The following RAD51B variants were observed in gnomAD, a reference collection of about 807,000 sequenced individuals.
The protein encoded by RAD51B is RAD51 paralog B.
In RAD51B, 38 loss-of-function variants were observed where a neutral mutation model predicts 42.2. The observed-to-expected ratio is 0.90, with a 90% CI of 0.70 to 1.18. RAD51B has a LOEUF of 1.18. Ranked by LOEUF, RAD51B falls within the 50% of genes most tolerant of loss-of-function variation. The probability of loss-of-function intolerance (pLI) is 0.00; values close to 1 mark genes in which losing one functional copy is unlikely to be tolerated. For missense variants in RAD51B, 373 were observed against 400.7 expected (o/e 0.93, Z 0.59); for synonymous variants, 154 against 145.2 (o/e 1.06, Z -0.43).
chr14:68,123,422 G>A (rs1388849255), intron 7 of RAD51B, among the ~76,000 whole-genome samples: 1 of 151,936 alleles, frequency 6.6e-6, no homozygotes, highest in East Asian at 1.9e-4. Context: ...GAATTCCTGG[G>A]CTCAAGCAGT....
intron 10 of RAD51B, among the ~76,000 whole-genome samples, chr14:68,495,648 C>T (rs1264847869): frequency 6.6e-6 from 1 of 152,192 alleles, no homozygotes; most frequent in East Asian, 1.9e-4. Flanking sequence ...ACCCCTTCCT[C>T]TCTGCTCATA....
chr14:68,505,838 C>T lies in RAD51B; in HGVS notation c.1036+37588C>T, dbSNP rs368783192. On this transcript the variant is annotated intron_variant, in intron 10 of 10. Coordinates refer to the RAD51B transcript ENST00000487270. ...AAAGTGTTGGGATTACAGGCGTGAGCGACCGCGCCCAGCCAGATTAGCCAA... is the reference window on the plus strand; with the variant it reads ...AAAGTGTTGGGATTACAGGCGTGAGTGACCGCGCCCAGCCAGATTAGCCAA... 4.2e-4 allele frequency among the ~76,000 whole-genome samples: 64 copies of T among 152,284 alleles called. 5 individuals carry two copies. Among genetic ancestry groups the T allele is most frequent in the African/African-American group, 1.2e-3 (49 of 41,552 alleles).
intron 7 of RAD51B, among the ~76,000 whole-genome samples, chr14:68,086,558 T>A (rs1298245998): frequency 1.3e-5 from 2 of 152,092 alleles, no homozygotes; most frequent in Non-Finnish European, 2.9e-5. Context: ...CTGCCCCCTT[T>A]CTGTATGGGA....
At chr14:67,864,655 G>T in intron 4 of RAD51B, 1 of 311,860 alleles carries the variant, frequency 3.2e-6, no homozygotes. Context: ...TCTTCATGAG[G>T]AAAAGGTATA....
chr14:67,942,758 A>G (rs1376091033), intron 7 of RAD51B, among the ~76,000 whole-genome samples: 1 of 152,232 alleles, frequency 6.6e-6, no homozygotes, highest in African/African-American at 2.4e-5. Context: ...GACAAAGAAC[A>G]TTTATACATA....
At chr14:68,582,987 C>T (rs1483936593) in intron 10 of RAD51B, among the ~76,000 whole-genome samples, 2 of 152,042 alleles carry the variant, frequency 1.3e-5, no homozygotes, top group Non-Finnish European at 2.9e-5. Flanking sequence ...ACGTCACACA[C>T]CAGGGCCTGT....
chr14:68,091,319 C>T (rs2077095623), intron 7 of RAD51B, among the ~76,000 whole-genome samples: 1 of 152,220 alleles, frequency 6.6e-6, no homozygotes, highest in Non-Finnish European at 1.5e-5. Context: ...GTCCCACCAA[C>T]AGTGTAAAAG....
intron 7 of RAD51B, among the ~76,000 whole-genome samples, chr14:68,190,659 A>G (rs970297827): frequency 3.9e-5 from 6 of 152,142 alleles, no homozygotes; most frequent in African/African-American, 1.2e-4. Flanking sequence ...TTTATATTCT[A>G]TGTACTCTAT....
chr14:68,399,954 C>T (rs1285134025), intron 8 of RAD51B, among the ~76,000 whole-genome samples: 1 of 152,238 alleles, frequency 6.6e-6, no homozygotes, highest in South Asian at 2.1e-4. Context: ...TGATGTTCTC[C>T]CAGAAAAATT....
intron 9 of RAD51B, among the ~76,000 whole-genome samples, chr14:68,438,913 A>C (rs575090296): frequency 2.0e-5 from 3 of 152,114 alleles, no homozygotes; most frequent in East Asian, 3.8e-4. Flanking sequence ...ACAGGCTTCA[A>C]AGTTTTCTGA....
intron 10 of RAD51B, among the ~76,000 whole-genome samples, chr14:68,648,025 A>ATATATACG (rs1566963405): frequency 5.1e-5 from 5 of 98,226 alleles, no homozygotes; most frequent in African/African-American, 1.9e-4. Flanking sequence ...ATATATACGT[A>ATATATACG]TATATATATA....
At chr14:67,908,432 G>A (rs2043852032) in intron 7 of RAD51B, 1 of 152,050 alleles carries the variant, frequency 6.6e-6, no homozygotes, top group African/African-American at 2.4e-5. Flanking sequence ...CAAAAAACAT[G>A]ATAGCAGAAA....
intron 8 of RAD51B, among the ~76,000 whole-genome samples, chr14:68,345,216 G>T (rs1036536319): frequency 6.6e-6 from 1 of 152,146 alleles, no homozygotes; most frequent in Non-Finnish European, 1.5e-5. Context: ...ATTAAGACTT[G>T]GGAGAACTAT....
chr14:68,061,182 C>T (rs1017089358), intron 7 of RAD51B, among the ~76,000 whole-genome samples: 2 of 151,290 alleles, frequency 1.3e-5, no homozygotes, highest in African/African-American at 2.4e-5. Flanking sequence ...GATTCTCATG[C>T]CCCAGCCTCA....
intron 7 of RAD51B, among the ~76,000 whole-genome samples, chr14:67,963,867 A>T (rs1300051410): frequency 6.6e-6 from 1 of 151,730 alleles, no homozygotes; most frequent in African/African-American, 2.4e-5. Context: ...TCATGTGTTT[A>T]AAAAAAATCG....
chr14:68,086,154 G>C (rs1052779682), intron 7 of RAD51B, among the ~76,000 whole-genome samples: 1 of 152,196 alleles, frequency 6.6e-6, no homozygotes, highest in African/African-American at 2.4e-5. Flanking sequence ...CTCAGCAGAT[G>C]GGGGAAGCCA....
At chr14:67,827,860 G>C (rs11621682) in intron 3 of RAD51B, among the ~76,000 whole-genome samples, 1 of 152,008 alleles carries the variant, frequency 6.6e-6, no homozygotes, top group African/African-American at 2.4e-5. Context: ...TTGTGTATAC[G>C]TACCACATTT....
At chr14:68,377,579 A>G (rs2083396226) in intron 8 of RAD51B, among the ~76,000 whole-genome samples, 2 of 152,126 alleles carry the variant, frequency 1.3e-5, no homozygotes, top group Non-Finnish European at 1.5e-5. Context: ...AGCCACACCC[A>G]CATCACTTCC....
At chr14:68,464,997 G>C (rs1054980290) in intron 9 of RAD51B, among the ~76,000 whole-genome samples, 4 of 152,154 alleles carry the variant, frequency 2.6e-5, no homozygotes, top group Non-Finnish European at 5.9e-5. Context: ...GCTATTAGAA[G>C]GTGGAGTTAG....
Sources: gnomAD v4.1 joint callset for allele counts (sites outside exome capture counted in the v4.1 genomes callset) on GRCh38, gnomAD v4.1.1 for gene constraint, MANE v1.5 for transcripts, NCBI Gene and HGNC (gene_info 2026-07-23, HGNC 2026-07-21) for gene names.